The following SPPL2A variants were observed in gnomAD, a reference collection of about 807,000 sequenced individuals.
SPPL2A encodes signal peptide peptidase-like 2A.
In SPPL2A, 51 loss-of-function variants were observed where a neutral mutation model predicts 63.8. That is an observed-to-expected ratio of 0.80 (90% confidence interval 0.64 to 1.01). SPPL2A has a LOEUF of 1.01. Among genes scored for constraint, SPPL2A ranks in the 50% least tolerant of loss-of-function variants. SPPL2A has a pLI of 0.00. For missense variants in SPPL2A, 553 were observed against 622.7 expected (o/e 0.89, Z 1.19); for synonymous variants, 188 against 205.8 (o/e 0.91, Z 0.74).
chr15:50,761,565 G>A (rs2063011698), intron 1 of SPPL2A, among the ~76,000 whole-genome samples: 1 of 152,022 alleles, frequency 6.6e-6, no homozygotes, highest in African/African-American at 2.4e-5. Context: ...GTGATGAGCT[G>A]GGATCGCACC....
chr15:50,745,625 A>G (rs2062851820), intron 5 of SPPL2A, among the ~76,000 whole-genome samples: 2 of 147,194 alleles, frequency 1.4e-5, no homozygotes, highest in Non-Finnish European at 3.0e-5. Context: ...ACAGCTCCCT[A>G]TAACCTGAAA....
chr15:50,728,535 AC>A (rs1299394375), intron 10 of SPPL2A, among the ~76,000 whole-genome samples: 2 of 151,748 alleles, frequency 1.3e-5, no homozygotes, highest in South Asian at 4.2e-4. Context: ...TTTAGTAGAG[AC>A]GGGGTTTCAC....
In SPPL2A at chr15:50,736,554, A is replaced by G; in HGVS notation, c.830+90T>C. ...CACCTGTAGGTCCAATGTATATTGG[A>G]CTATATAGGTTTCAAATAATACTCC... is the stretch of plus-strand genomic sequence containing the variant. On this transcript the variant is annotated intron_variant, in intron 7 of 14. Coordinates refer to ENST00000261854, the MANE Select transcript of SPPL2A (RefSeq NM_032802.4). 4 of 704,436 alleles carry G rather than the reference A, an allele frequency of 5.7e-6. No individual in the cohort carries two copies. The South Asian group carries it at 7.7e-5, about 14-fold the overall frequency. 43.6% of individuals were successfully genotyped at this position (704,436 alleles called of 1,614,324 possible). A position where few individuals can be genotyped will look rare whatever the true frequency, so the allele number is the denominator to read the frequency against.
rs1396689364 is a variant in SPPL2A at position 50,703,448 on chromosome 15, C to T, written c.*4352G>A. 2.1e-5 allele frequency: 3 copies of T among 145,688 alleles called. No individual in the cohort carries two copies. Among genetic ancestry groups the T allele is most frequent in the African/African-American group, 7.7e-5 (3 of 38,990 alleles). The allele number at this position is 145,688 out of a possible 1,614,324, so 9.0% of individuals were successfully genotyped here. On this transcript the variant is annotated 3_prime_UTR_variant, in exon 15 of 15. Coordinates refer to ENST00000261854, the MANE Select transcript of SPPL2A (RefSeq NM_032802.4). ...TGTGATCTCGACTCACTGCAACCTC[C>T]ACCTCCCAGGTTCAAGCGATTCTCC...
chr15:50,728,521 T>C (rs1334197054), intron 10 of SPPL2A, among the ~76,000 whole-genome samples: 1 of 151,854 alleles, frequency 6.6e-6, no homozygotes, highest in African/African-American at 2.4e-5. Context: ...TTTTTTTCTA[T>C]TTTTTTAGTA....
intron 1 of SPPL2A, among the ~76,000 whole-genome samples, chr15:50,758,886 A>ATATCTATC (rs79216272): frequency 1.8e-3 from 270 of 149,700 alleles, no homozygotes; most frequent in East Asian, 8.6e-3. Context: ...TATAATAAGC[A>ATATCTATC]TATCTATCTA....
At chr15:50,707,943 A>T (rs2062524336) in intron 14 of SPPL2A, 69 bp from the exon 15 acceptor site, 2 of 804,894 alleles carry the variant, frequency 2.5e-6, no homozygotes, top group Non-Finnish European at 4.4e-6. Flanking sequence ...CTACATTAGC[A>T]AAAGGATTCT....
intron 8 of SPPL2A, 33 bp from the exon 9 acceptor site, chr15:50,732,717 T>G: frequency 7.6e-7 from 1 of 1,324,078 alleles, no homozygotes; most frequent in Non-Finnish European, 1.1e-6. Context: ...TATTGCTTTA[T>G]CAATGTTTAG....
At chr15:50,725,999 T>A (rs530189084) in intron 11 of SPPL2A, 3 of 997,800 alleles carry the variant, frequency 3.0e-6, no homozygotes, top group Non-Finnish European at 1.3e-6. Context: ...GATTTTTTTT[T>A]CCCCCAAAGA....
At chr15:50,709,408 A>T (rs1205717156) in intron 14 of SPPL2A, among the ~76,000 whole-genome samples, 1 of 152,160 alleles carries the variant, frequency 6.6e-6, no homozygotes, top group East Asian at 1.9e-4. Flanking sequence ...ATCTTGAAAC[A>T]GGGTCTCTTG....
At chr15:50,726,467 G>T in intron 10 of SPPL2A, 90 bp from the exon 11 acceptor site, 1 of 1,202,958 alleles carries the variant, frequency 8.3e-7, no homozygotes, top group Admixed American at 1.9e-5. Flanking sequence ...ATGGCATATG[G>T]CCAGTTACAC....
chr15:50,744,934 A>G (rs929860078), intron 5 of SPPL2A, among the ~76,000 whole-genome samples: 1 of 152,178 alleles, frequency 6.6e-6, no homozygotes, highest in Admixed American at 6.6e-5. Context: ...AATCTGCATA[A>G]ATTAATTAGA....
chr15:50,726,170 A>T, intron 11 of SPPL2A, 151 bp downstream of exon 11: 2 of 1,498,080 alleles, frequency 1.3e-6, no homozygotes, highest in Non-Finnish European at 1.8e-6. Context: ...AATTTAGAAT[A>T]ACTAAGAAAA....
intron 1 of SPPL2A, among the ~76,000 whole-genome samples, chr15:50,759,635 C>G (rs1324559025): frequency 6.6e-6 from 1 of 151,622 alleles, no homozygotes; most frequent in South Asian, 2.1e-4. Context: ...CCCAGCTACT[C>G]GGGAGGCTGA....
chr15:50,738,308 G>A (rs1020064339), intron 6 of SPPL2A, among the ~76,000 whole-genome samples: 1 of 152,104 alleles, frequency 6.6e-6, no homozygotes, highest in Non-Finnish European at 1.5e-5. Context: ...TAGCACTTTG[G>A]GAGGCCAAGG....
At chr15:50,720,285 T>C (rs1385777414) in intron 13 of SPPL2A, among the ~76,000 whole-genome samples, 185 bp from the exon 14 acceptor site, 1 of 152,186 alleles carries the variant, frequency 6.6e-6, no homozygotes, top group East Asian at 1.9e-4. Flanking sequence ...TTGAAAAATG[T>C]GGAAACTGGT....
Position 50,748,779 on chromosome 15 carries a change from A to G in SPPL2A, c.269T>C (p.Val90Ala). The change falls in exon 3 of 15, where the codon GTT (valine) becomes GCT (alanine). Residue 90 changes from valine (V) to alanine (A), a missense_variant. By Grantham distance (64) the Val-to-Ala change is moderately conservative. Coordinates refer to ENST00000261854, the MANE Select transcript of SPPL2A (RefSeq NM_032802.4). ...PVGIKSKAVV[V>A]PWGSCHFLEK... ...AAGAAAATGGCAGCTTCCCCATGGA[A>G]CCACAACTGCTTTGCTCTTTATGCC... The G allele has an allele frequency of 6.2e-7, 1 of 1,612,406 alleles. No individual in the cohort carries two copies. The highest frequency in any genetic ancestry group is 1.7e-4 in the Middle Eastern group (1 of 6,054).
At chr15:50,712,917 C>G (rs1412529881) in intron 14 of SPPL2A, among the ~76,000 whole-genome samples, 1 of 152,034 alleles carries the variant, frequency 6.6e-6, no homozygotes, top group Non-Finnish European at 1.5e-5. Flanking sequence ...AACTCCTGAC[C>G]TCGTGATCTG....
chr15:50,731,927 C>CAAAAAAAAAAAAAAAAACAAAAAA (rs60624824), intron 9 of SPPL2A, among the ~76,000 whole-genome samples: 1 of 64,228 alleles, frequency 1.6e-5, no homozygotes. Flanking sequence ...GACTCCATCT[C>CAAAAAAAAAAAAAAAAACAAAAAA]AAAAAAAAAA....
Sources: gnomAD v4.1 joint callset for allele counts (sites outside exome capture counted in the v4.1 genomes callset) on GRCh38, gnomAD v4.1.1 for gene constraint, MANE v1.5 for transcripts, NCBI Gene and HGNC (gene_info 2026-07-23, HGNC 2026-07-21) for gene names.